The following SRRM4 variants were observed in gnomAD, a reference collection of about 807,000 sequenced individuals.
SRRM4 encodes the protein serine/arginine repetitive matrix protein 4.
SRRM4 carries 33 observed loss-of-function variants against 68.9 expected under a neutral mutation model. The observed-to-expected ratio is 0.48, with a 90% CI of 0.36 to 0.64. The LOEUF (loss-of-function observed/expected upper bound fraction) is 0.64. Among genes scored for constraint, SRRM4 ranks in the 30% least tolerant of loss-of-function variants. SRRM4 has a pLI of 0.00. For missense variants in SRRM4, 817 were observed against 827.1 expected, an observed-to-expected ratio of 0.99 and a Z score of 0.15; for synonymous variants, 318 against 318.8, an observed-to-expected ratio of 1.00 and a Z score of 0.03.
At chr12:119,115,315 A>C (rs1352191976) in intron 3 of SRRM4, among the ~76,000 whole-genome samples, 1 of 152,000 alleles carries the variant, frequency 6.6e-6, no homozygotes, top group East Asian at 1.9e-4. Context: ...ATTCCTTTAA[A>C]ATTTTTTTAT....
At chr12:119,030,609 T>C (rs1302028064) in intron 1 of SRRM4, among the ~76,000 whole-genome samples, 1 of 152,244 alleles carries the variant, frequency 6.6e-6, no homozygotes, top group Non-Finnish European at 1.5e-5. Context: ...ATATCTGCAG[T>C]CTTTTTCTCT....
At chr12:119,076,845 A>G (rs1461186248) in intron 1 of SRRM4, among the ~76,000 whole-genome samples, 1 of 152,204 alleles carries the variant, frequency 6.6e-6, no homozygotes, top group African/African-American at 2.4e-5. Flanking sequence ...CTCCAGCATC[A>G]ATACTAATAA....
At chr12:119,140,724 A>C (rs1405975455) in intron 8 of SRRM4, among the ~76,000 whole-genome samples, 1 of 152,238 alleles carries the variant, frequency 6.6e-6, no homozygotes, top group East Asian at 1.9e-4. Context: ...GCAGGTCGGA[A>C]ACTTCTCACC....
At chr12:119,022,552 G>A (rs933145953) in intron 1 of SRRM4, among the ~76,000 whole-genome samples, 1 of 152,202 alleles carries the variant, frequency 6.6e-6, no homozygotes, top group African/African-American at 2.4e-5. Context: ...TCTACCTGAT[G>A]TGAAGGAAGG....
chr12:119,052,669 C>T (rs989536781), intron 1 of SRRM4, among the ~76,000 whole-genome samples: 2 of 152,178 alleles, frequency 1.3e-5, no homozygotes, highest in African/African-American at 2.4e-5. Context: ...GCTGGGACTA[C>T]AGGCACCCGC....
intron 10 of SRRM4, 137 bp from the exon 11 acceptor site, chr12:119,153,402 G>C (rs1954451158): frequency 6.6e-6 from 4 of 603,402 alleles, no homozygotes; most frequent in South Asian, 6.2e-5. Flanking sequence ...TTCTTTGATC[G>C]GGGCCCAGTT....
intron 1 of SRRM4, among the ~76,000 whole-genome samples, chr12:118,997,737 A>G (rs1953358277): frequency 6.6e-6 from 1 of 152,220 alleles, no homozygotes; most frequent in African/African-American, 2.4e-5. Flanking sequence ...AAATATCCAC[A>G]TAGATCAATA....
chr12:119,059,717 T>C (rs1335672321), intron 1 of SRRM4, among the ~76,000 whole-genome samples: 4 of 152,228 alleles, frequency 2.6e-5, no homozygotes, highest in African/African-American at 9.6e-5. Context: ...TTTTAGGCAG[T>C]TGCATCTTCT....
In SRRM4 at chr12:119,049,659, C is replaced by T. The variant is rs1438509241; in HGVS notation, c.132-52577C>T. 5.3e-5 allele frequency among the ~76,000 whole-genome samples: 8 copies of T among 152,170 alleles called. No homozygotes were observed. The East Asian group carries it at 1.5e-3, about 29-fold the overall frequency. On this transcript the variant is annotated intron_variant, in intron 1 of 12. Transcript: ENST00000267260. Reference sequence around the variant, plus strand: ...TATCAGTTTTCTAGAACTACCATGACAAAATGCCACAGACTGAGTGTCTTA... The same window carrying T: ...TATCAGTTTTCTAGAACTACCATGATAAAATGCCACAGACTGAGTGTCTTA...
intron 1 of SRRM4, among the ~76,000 whole-genome samples, chr12:119,042,408 C>T (rs192196698): frequency 2.0e-5 from 3 of 152,044 alleles, no homozygotes; most frequent in Non-Finnish European, 4.4e-5. Context: ...AGGAGAGATG[C>T]TATGGAAATT....
chr12:119,044,304 T>C (rs1397527852), intron 1 of SRRM4, among the ~76,000 whole-genome samples: 2 of 152,150 alleles, frequency 1.3e-5, no homozygotes, highest in Non-Finnish European at 2.9e-5. Context: ...GGCCCCTAGG[T>C]GCAGCTCTTG....
intron 5 of SRRM4, 93 bp downstream of exon 5, chr12:119,120,369 G>A (rs951648805): frequency 1.5e-6 from 2 of 1,355,726 alleles, no homozygotes; most frequent in South Asian, 1.3e-5. Context: ...TTCCATCTGT[G>A]CTCTTAGGCA....
Position 119,029,886 on chromosome 12 carries a change from C to T in SRRM4, c.131+47873C>T, listed in dbSNP as rs12578916. Among the ~76,000 whole-genome samples, 1,169 of 152,144 alleles carry T rather than the reference C, an allele frequency of 7.7e-3. 6 individuals carry two copies. The highest frequency in any genetic ancestry group is 0.012 in the Non-Finnish European group (840 of 68,002). The stretch of plus-strand genomic sequence containing the variant: ...CAGCACCAGGTAAATCTGGTAGGAG[C>T]GAATTCTAATGTAGGGGAATAGGTT... On this transcript the variant is annotated intron_variant, in intron 1 of 12. Coordinates refer to ENST00000267260, the MANE Select transcript of SRRM4 (RefSeq NM_194286.4).
At chr12:119,014,707 C>T (rs778866238) in intron 1 of SRRM4, among the ~76,000 whole-genome samples, 2 of 152,120 alleles carry the variant, frequency 1.3e-5, no homozygotes, top group Non-Finnish European at 2.9e-5. Context: ...AAGGGAGGTA[C>T]AGTGGGCTCC....
chr12:119,135,665 A>G (rs1158595989), intron 8 of SRRM4, among the ~76,000 whole-genome samples: 1 of 152,190 alleles, frequency 6.6e-6, no homozygotes, highest in Non-Finnish European at 1.5e-5. Context: ...AATTCTTTAC[A>G]TGTATCATCA....
At chr12:119,089,225 C>A (rs906917560) in intron 1 of SRRM4, among the ~76,000 whole-genome samples, 1 of 152,064 alleles carries the variant, frequency 6.6e-6, no homozygotes, top group Non-Finnish European at 1.5e-5. Flanking sequence ...CGAAACCCAC[C>A]GCACCACCCC....
At chr12:119,062,179 C>A (rs1158726694) in intron 1 of SRRM4, among the ~76,000 whole-genome samples, 35 of 152,094 alleles carry the variant, frequency 2.3e-4, no homozygotes, top group Admixed American at 2.3e-3. Flanking sequence ...TATGTAAATG[C>A]AGAAAAGGTA....
At chr12:119,031,753 T>G (rs889156124) in intron 1 of SRRM4, among the ~76,000 whole-genome samples, 1 of 152,170 alleles carries the variant, frequency 6.6e-6, no homozygotes, top group Non-Finnish European at 1.5e-5. Context: ...AGCTCATTTA[T>G]TTTTTCCTTT....
chr12:119,044,110 A>C (rs1594041128), intron 1 of SRRM4, among the ~76,000 whole-genome samples: 1 of 151,978 alleles, frequency 6.6e-6, no homozygotes, highest in South Asian at 2.1e-4. Flanking sequence ...CAGGTAATCC[A>C]CACGCCTCGG....
Sources: gnomAD v4.1 joint callset for allele counts (sites outside exome capture counted in the v4.1 genomes callset) on GRCh38, gnomAD v4.1.1 for gene constraint, MANE v1.5 for transcripts, NCBI Gene and HGNC (gene_info 2026-07-23, HGNC 2026-07-21) for gene names.